HECW1: variants seen among roughly 807,000 people sequenced by gnomAD.
The protein encoded by HECW1 is E3 ubiquitin-protein ligase HECW1.
A neutral mutation model predicts 182.3 loss-of-function variants in HECW1; 61 were observed. The ratio of observed to expected loss-of-function variants is 0.33; its 90% CI spans 0.27 to 0.41. The LOEUF (loss-of-function observed/expected upper bound fraction) is 0.41, where lower values mean the gene tolerates loss of function less well. HECW1 is among the 10% of genes least tolerant of loss of function. The pLI is 1.00. For missense variants in HECW1, 1,739 were observed against 2,108.9 expected (o/e 0.82, Z 3.44); for synonymous variants, 859 against 832.6 (o/e 1.03, Z -0.55).
chr7:43,167,449 G>A (rs1232771362), intron 2 of HECW1, among the ~76,000 whole-genome samples: 2 of 152,104 alleles, frequency 1.3e-5, no homozygotes, highest in Non-Finnish European at 2.9e-5. Flanking sequence ...GTTCTAGAAG[G>A]GTGGATATGA....
intron 2 of HECW1, among the ~76,000 whole-genome samples, chr7:43,158,912 G>C (rs1213119394): frequency 6.6e-6 from 1 of 152,190 alleles, no homozygotes; most frequent in African/African-American, 2.4e-5. Flanking sequence ...CTGTGCATCA[G>C]AATCACACAG....
At chr7:43,134,393 C>CA (rs35414360) in intron 2 of HECW1, among the ~76,000 whole-genome samples, 3,738 of 87,702 alleles carry the variant, frequency 0.043, 291 homozygotes, top group East Asian at 0.12. Flanking sequence ...GACTCTGTCT[C>CA]AAAAAAAAAA....
At chr7:43,425,182 A>G (rs1213126711) in intron 8 of HECW1, among the ~76,000 whole-genome samples, 2 of 152,048 alleles carry the variant, frequency 1.3e-5, no homozygotes, top group East Asian at 3.8e-4. Context: ...ACAATCAAGG[A>G]CATTTGAACA....
intron 8 of HECW1, among the ~76,000 whole-genome samples, chr7:43,422,650 T>C (rs929790353): frequency 6.6e-6 from 1 of 152,182 alleles, no homozygotes; most frequent in Non-Finnish European, 1.5e-5. Flanking sequence ...ATTACAAGCA[T>C]GAGCCACAGC....
intron 3 of HECW1, among the ~76,000 whole-genome samples, chr7:43,301,311 G>T (rs998880913): frequency 5.9e-5 from 9 of 152,272 alleles, no homozygotes; most frequent in African/African-American, 2.2e-4. Context: ...CTCAGCTCTT[G>T]CCCCTTCCTT....
intron 2 of HECW1, among the ~76,000 whole-genome samples, chr7:43,142,946 T>G (rs1220310604): frequency 6.6e-6 from 1 of 152,190 alleles, no homozygotes; most frequent in Non-Finnish European, 1.5e-5. Context: ...GGTGCTGTGG[T>G]AGCCAAAGCT....
chr7:43,131,990 G>C (rs902452461), intron 2 of HECW1, among the ~76,000 whole-genome samples: 1 of 152,218 alleles, frequency 6.6e-6, no homozygotes, highest in Non-Finnish European at 1.5e-5. Flanking sequence ...CAAGGGCATC[G>C]AGTGGGGAAA....
At chr7:43,146,137 C>A (rs2152638412) in intron 2 of HECW1, among the ~76,000 whole-genome samples, 1 of 152,344 alleles carries the variant, frequency 6.6e-6, no homozygotes, top group South Asian at 2.1e-4. Context: ...TACTATCTTG[C>A]TTCCAATTTT....
chr7:43,461,444 T>C (rs997234493), intron 13 of HECW1, among the ~76,000 whole-genome samples: 1 of 152,212 alleles, frequency 6.6e-6, no homozygotes, highest in Non-Finnish European at 1.5e-5. Flanking sequence ...TCTAAAAATA[T>C]CGTTGAACCA....
chr7:43,199,222 C>A (rs1379884940), intron 2 of HECW1, among the ~76,000 whole-genome samples: 1 of 152,182 alleles, frequency 6.6e-6, no homozygotes, highest in Non-Finnish European at 1.5e-5. Flanking sequence ...TTTAGCTCTC[C>A]GTTCAACTCA....
Position 43,562,393 on chromosome 7 carries a change from A to C in HECW1, c.*467A>C. 4.4e-6 allele frequency: 1 copy of C among 229,604 alleles called. No homozygotes were observed. The highest frequency in any genetic ancestry group is 8.6e-6 in the Non-Finnish European group (1 of 115,758). The allele number at this position is 229,604 out of a possible 1,614,324, so 14.2% of individuals were successfully genotyped here. Reference sequence around the variant, plus strand: ...TCTAATAACCAACTCCAGAACTAGGAGCTGATCAACTCTTTGTTTTCCTCT... The same window carrying C: ...TCTAATAACCAACTCCAGAACTAGGCGCTGATCAACTCTTTGTTTTCCTCT... On this transcript the variant is annotated 3_prime_UTR_variant, in exon 30 of 30. Coordinates refer to ENST00000395891, the MANE Select transcript of HECW1 (RefSeq NM_015052.5).
chr7:43,456,271 C>A, intron 12 of HECW1, 26 bp from the exon 13 acceptor site: 1 of 1,538,966 alleles, frequency 6.5e-7, no homozygotes, highest in Non-Finnish European at 8.8e-7. Context: ...CTTGATTTTT[C>A]TTTTTGCCTT....
intron 19 of HECW1, among the ~76,000 whole-genome samples, chr7:43,495,957 A>G (rs2079105133): frequency 6.6e-6 from 1 of 152,170 alleles, no homozygotes; most frequent in Non-Finnish European, 1.5e-5. Flanking sequence ...CCAAAGACAC[A>G]AAAGTCTCAT....
chr7:43,504,149 C>A (rs1050176769), intron 21 of HECW1, among the ~76,000 whole-genome samples: 14 of 152,212 alleles, frequency 9.2e-5, no homozygotes, highest in Non-Finnish European at 1.8e-4. Flanking sequence ...CCTTCCCAAG[C>A]AGGTCCTTCC....
chr7:43,402,408 AC>A, intron 7 of HECW1, among the ~76,000 whole-genome samples: 2 of 152,114 alleles, frequency 1.3e-5, no homozygotes, highest in South Asian at 4.2e-4. Flanking sequence ...TACGAGCCAC[AC>A]CCCTGTTGCA....
At chr7:43,229,590 G>A (rs1413792623) in intron 2 of HECW1, among the ~76,000 whole-genome samples, 2 of 151,832 alleles carry the variant, frequency 1.3e-5, no homozygotes, top group African/African-American at 4.8e-5. Context: ...AAGTTTGCCT[G>A]TACAACAAAT....
chr7:43,308,028 TATATA>T (rs1807859297), intron 3 of HECW1, among the ~76,000 whole-genome samples: 1 of 117,244 alleles, frequency 8.5e-6, no homozygotes, highest in Non-Finnish European at 1.6e-5. Context: ...TATAATATAT[TATATA>T]TTATATTGTA....
chr7:43,564,984 G>A lies in HECW1; in HGVS notation c.*3058G>A. Reference sequence around the variant, plus strand: ...TCCCTAAAACAATTGATTTTAGTAAGAGTGTAACGCCTTTAATCAGGGGAC... The same window carrying A: ...TCCCTAAAACAATTGATTTTAGTAAAAGTGTAACGCCTTTAATCAGGGGAC... On this transcript the variant is annotated 3_prime_UTR_variant, in exon 30 of 30. Transcript: ENST00000395891. 1 of 186,536 alleles carries A rather than the reference G, an allele frequency of 5.4e-6. No individual in the cohort carries two copies. Among genetic ancestry groups the A allele is most frequent in the Non-Finnish European group, 1.1e-5 (1 of 88,348 alleles). The allele number at this position is 186,536 out of a possible 1,614,324, so 11.6% of individuals were successfully genotyped here.
intron 17 of HECW1, among the ~76,000 whole-genome samples, chr7:43,489,843 G>A (rs1395852744): frequency 1.3e-5 from 2 of 152,160 alleles, no homozygotes; most frequent in African/African-American, 2.4e-5. Context: ...CCTACATTAC[G>A]ATCTGCAATA....
Sources: gnomAD v4.1 joint callset for allele counts (sites outside exome capture counted in the v4.1 genomes callset) on GRCh38, gnomAD v4.1.1 for gene constraint, MANE v1.5 for transcripts, NCBI Gene and HGNC (gene_info 2026-07-23, HGNC 2026-07-21) for gene names.